Variants in MEGF10 observed in about 807,000 individuals in gnomAD.
The protein encoded by MEGF10 is multiple EGF like domains 10, also known as multiple epidermal growth factor-like domains protein 10.
Under a neutral mutation model 147.5 loss-of-function variants are expected in MEGF10, and 86 were observed. The observed-to-expected ratio is 0.58, with a 90% CI of 0.49 to 0.70. The LOEUF is 0.70. Ranked by LOEUF, MEGF10 falls within the 30% of genes least tolerant of loss-of-function variation. The pLI is 0.00. For synonymous variants in MEGF10, 478 were observed against 525.5 expected, an observed-to-expected ratio of 0.91 and a Z score of 1.24; for missense variants, 1,329 against 1,487.3, an observed-to-expected ratio of 0.89 and a Z score of 1.75.
chr5:127,420,106 T>C lies in MEGF10; in HGVS notation c.1489T>C (p.Leu497=). 6.2e-7 allele frequency: 1 copy of C among 1,614,190 alleles called. No individual in the cohort carries two copies. The highest frequency in any genetic ancestry group is 1.1e-5 in the South Asian group (1 of 91,082). The part of the protein sequence containing the change: ...PSGTWGFGCN[L]TCQCLNGGAC... ...TGGCACATGGGGCTTTGGCTGTAACTTAACATGCCAGTGCCTCAACGGGGG... is the reference window on the plus strand; with the variant it reads ...TGGCACATGGGGCTTTGGCTGTAACCTAACATGCCAGTGCCTCAACGGGGG... Residue 497 remains leucine, a synonymous_variant, in exon 12 of 25, where the codon TTA becomes CTA. Coordinates refer to ENST00000503335, the MANE Select transcript of MEGF10 (RefSeq NM_001256545.2).
the MEGF10 span, among the ~76,000 whole-genome samples, chr5:127,265,451 G>A: frequency 6.6e-6 from 1 of 151,738 alleles, no homozygotes; most frequent in Non-Finnish European, 1.5e-5. Flanking sequence ...GGGATGGCTG[G>A]GTCAAATGGT....
chr5:127,461,013 A>G lies in MEGF10; in HGVS notation c.*3695A>G, dbSNP rs1766540111. ...AGTATTTGGTCTAGGCTTCATTTTG[A>G]TATGACTGAATTGCAATCTATATTT... is the stretch of plus-strand genomic sequence containing the variant. On this transcript the variant is annotated 3_prime_UTR_variant, in exon 25 of 25. Coordinates refer to ENST00000503335, the MANE Select transcript of MEGF10 (RefSeq NM_001256545.2). 1 of 152,202 alleles carries G rather than the reference A, an allele frequency of 6.6e-6. No individual in the cohort carries two copies. The highest frequency in any genetic ancestry group is 2.4e-5 in the African/African-American group (1 of 41,466). 9.4% of individuals were successfully genotyped at this position (152,202 alleles called of 1,614,324 possible).
chr5:127,339,238 C>A lies in MEGF10; in HGVS notation c.218+17C>A. 9 of 1,569,194 alleles carry A rather than the reference C, an allele frequency of 5.7e-6. No individual in the cohort carries two copies. Among genetic ancestry groups the A allele is most frequent in the Non-Finnish European group, 7.0e-6 (8 of 1,141,090 alleles). On this transcript the variant is annotated intron_variant, in intron 3 of 24. Coordinates refer to ENST00000503335, the MANE Select transcript of MEGF10 (RefSeq NM_001256545.2). ...GCGGCACAGGTAATAGAAGCTCAGG[C>A]ATGTTTGTGAGTTTGGCTAACTGGG... is the stretch of plus-strand genomic sequence containing the variant.
At chr5:127,288,917 A>C (rs1370501180), upstream of MEGF10, among the ~76,000 whole-genome samples, 1 of 152,268 alleles carries the variant, frequency 6.6e-6, no homozygotes, top group East Asian at 1.9e-4. Flanking sequence ...CTTCAGATAC[A>C]GGCACAACAT....
intron 1 of MEGF10, among the ~76,000 whole-genome samples, chr5:127,308,726 A>G (rs1047562231): frequency 6.7e-6 from 1 of 148,180 alleles, no homozygotes; most frequent in Non-Finnish European, 1.5e-5. Context: ...GGTGGGGGGA[A>G]GGGGGAGGGA....
At chr5:127,250,755 G>A in the MEGF10 span, among the ~76,000 whole-genome samples, 3 of 151,852 alleles carry the variant, frequency 2.0e-5, no homozygotes, top group African/African-American at 7.2e-5. Flanking sequence ...ACTAAAGATT[G>A]CCATGCAAAT....
chr5:127,279,465 A>G, the MEGF10 span, among the ~76,000 whole-genome samples: 1 of 152,122 alleles, frequency 6.6e-6, no homozygotes, highest in Admixed American at 6.5e-5. Flanking sequence ...AAGGTCATCC[A>G]CAGAGAATAC....
chr5:127,316,347 A>T (rs1264377697), intron 1 of MEGF10, among the ~76,000 whole-genome samples: 1 of 152,182 alleles, frequency 6.6e-6, no homozygotes, highest in Non-Finnish European at 1.5e-5. Context: ...ACAATACAGG[A>T]AGGCTAATGA....
the MEGF10 span, among the ~76,000 whole-genome samples, chr5:127,273,373 C>T: frequency 6.6e-6 from 1 of 152,114 alleles, no homozygotes; most frequent in Non-Finnish European, 1.5e-5. Context: ...CGACATGGGT[C>T]GAGTTGTTTC....
intron 1 of MEGF10, among the ~76,000 whole-genome samples, chr5:127,301,661 C>G (rs1215779346): frequency 6.6e-6 from 1 of 152,134 alleles, no homozygotes; most frequent in African/African-American, 2.4e-5. Context: ...ATCTTGGTGA[C>G]TTTGGGCAGG....
intron 22 of MEGF10, among the ~76,000 whole-genome samples, chr5:127,452,376 A>C (rs1766186946): frequency 6.6e-6 from 1 of 152,188 alleles, no homozygotes; most frequent in Admixed American, 6.5e-5. Flanking sequence ...CTCCTTGATA[A>C]AGCTGTTCTC....
the MEGF10 span, among the ~76,000 whole-genome samples, chr5:127,230,629 A>G: frequency 6.6e-6 from 1 of 152,206 alleles, no homozygotes; most frequent in Non-Finnish European, 1.5e-5. Context: ...GAACGGTTAT[A>G]TTCCAGGCTC....
At chr5:127,350,279 G>A (rs1458971374) in intron 4 of MEGF10, among the ~76,000 whole-genome samples, 1 of 152,080 alleles carries the variant, frequency 6.6e-6, no homozygotes, top group African/African-American at 2.4e-5. Context: ...CCACCTTTCA[G>A]CCTGCCCAAG....
chr5:127,315,043 A>C (rs1760463710), intron 1 of MEGF10, among the ~76,000 whole-genome samples: 1 of 152,164 alleles, frequency 6.6e-6, no homozygotes, highest in Non-Finnish European at 1.5e-5. Flanking sequence ...GAGAGAATTT[A>C]TAATAAAGGC....
At chr5:127,422,315 G>A (rs1413353041) in intron 12 of MEGF10, among the ~76,000 whole-genome samples, 2 of 152,122 alleles carry the variant, frequency 1.3e-5, no homozygotes, top group Non-Finnish European at 2.9e-5. Context: ...GAGGTCAGGA[G>A]TTCGAGACCA....
At chr5:127,275,874 G>A in the MEGF10 span, among the ~76,000 whole-genome samples, 2 of 152,056 alleles carry the variant, frequency 1.3e-5, no homozygotes, top group Non-Finnish European at 2.9e-5. Context: ...GGTGAAGAAA[G>A]CAATTTGAAA....
chr5:127,304,588 G>A (rs1456289972), intron 1 of MEGF10, among the ~76,000 whole-genome samples: 1 of 152,178 alleles, frequency 6.6e-6, no homozygotes, highest in Non-Finnish European at 1.5e-5. Context: ...CTGCCTCCTG[G>A]GTTCAAGTGA....
intron 4 of MEGF10, among the ~76,000 whole-genome samples, chr5:127,363,217 C>T (rs2126845838): frequency 6.6e-6 from 1 of 152,272 alleles, no homozygotes; most frequent in African/African-American, 2.4e-5. Flanking sequence ...TAGTAACTGA[C>T]TCACCTGAAA....
At chr5:127,260,288 C>T in the MEGF10 span, among the ~76,000 whole-genome samples, 10 of 152,306 alleles carry the variant, frequency 6.6e-5, no homozygotes, top group South Asian at 4.1e-4. Context: ...CCCAGGTTCT[C>T]TGTGTTTCTC....
Sources: allele counts gnomAD v4.1 joint callset (sites outside exome capture counted in the v4.1 genomes callset), GRCh38; gene constraint gnomAD v4.1.1; transcripts MANE v1.5; gene names NCBI Gene and HGNC (gene_info 2026-07-23, HGNC 2026-07-21).